ALK: variants seen among roughly 807,000 people sequenced by gnomAD.
The protein encoded by ALK is ALK receptor tyrosine kinase.
A neutral mutation model predicts 163.1 loss-of-function variants in ALK; 74 were observed. That is an observed-to-expected ratio of 0.45 (90% confidence interval 0.38 to 0.55). The LOEUF (loss-of-function observed/expected upper bound fraction) is 0.55. Among genes scored for constraint, ALK ranks in the 20% least tolerant of loss-of-function variants. The pLI, the probability that ALK is intolerant of heterozygous loss-of-function variation, is 0.00. For synonymous variants in ALK, 960 were observed against 843.2 expected (o/e 1.14, Z -2.40); for missense variants, 2,063 against 2,105.3 (o/e 0.98, Z 0.39).
intron 1 of ALK, among the ~76,000 whole-genome samples, chr2:29,848,583 G>A (rs556729170): frequency 3.3e-5 from 5 of 152,306 alleles, no homozygotes; most frequent in South Asian, 4.1e-4. Flanking sequence ...ATGAATTTGT[G>A]TATTGTTGAG....
At chr2:29,725,154 C>CCAAAAAAAAA (rs1553352985) in intron 1 of ALK, among the ~76,000 whole-genome samples, 22 of 67,368 alleles carry the variant, frequency 3.3e-4, no homozygotes, top group African/African-American at 1.4e-3. Flanking sequence ...TATCCTATAC[C>CCAAAAAAAAA]AAAAAAAAAA....
chr2:29,461,456 A>G (rs1377834239), intron 4 of ALK, among the ~76,000 whole-genome samples: 2 of 152,202 alleles, frequency 1.3e-5, no homozygotes, highest in Non-Finnish European at 2.9e-5. Context: ...TTAAGGGCAA[A>G]TGCAGCTGGT....
chr2:29,702,766 G>A (rs1219457931), intron 2 of ALK, among the ~76,000 whole-genome samples: 2 of 152,232 alleles, frequency 1.3e-5, no homozygotes, highest in East Asian at 3.8e-4. Context: ...TGTGTGTGCA[G>A]GGGAACTGTC....
At chr2:29,300,127 G>A (rs79937091) in intron 8 of ALK, among the ~76,000 whole-genome samples, 1,904 of 152,268 alleles carry the variant, frequency 0.013, 38 homozygotes, top group African/African-American at 0.044. Context: ...CATGTATAGG[G>A]GAGCCCATGC....
chr2:29,431,765 T>A (rs551283416), intron 4 of ALK, among the ~76,000 whole-genome samples: 3 of 152,258 alleles, frequency 2.0e-5, no homozygotes, highest in East Asian at 3.9e-4. Context: ...TGATGGAAGC[T>A]GAATCAATCT....
chr2:29,725,865 G>A (rs991732439), intron 1 of ALK, among the ~76,000 whole-genome samples: 7 of 152,138 alleles, frequency 4.6e-5, no homozygotes, highest in African/African-American at 1.4e-4. Context: ...CTCCTCTTCA[G>A]AACCTGTATC....
rs547562188 is a variant in ALK at position 29,329,643 on chromosome 2, C to A, written c.1283-1162G>T. ...CTCTGAGCCTCACATGGGGGTGGGGCCTTTCCAACTCTGGCTGCAAATCAA... is the reference window on the plus strand; with the variant it reads ...CTCTGAGCCTCACATGGGGGTGGGGACTTTCCAACTCTGGCTGCAAATCAA... On this transcript the variant is annotated intron_variant, in intron 5 of 28. Coordinates refer to ENST00000389048, the MANE Select transcript of ALK (RefSeq NM_004304.5). Among the ~76,000 whole-genome samples the A allele has an allele frequency of 1.1e-4, 16 of 152,300 alleles. No individual in the cohort carries two copies. In the East Asian group the frequency reaches 2.3e-3, roughly 22 times the overall value.
intron 4 of ALK, among the ~76,000 whole-genome samples, chr2:29,522,315 T>G (rs1191436365): frequency 6.6e-6 from 1 of 152,162 alleles, no homozygotes; most frequent in African/African-American, 2.4e-5. Context: ...ACACATAATA[T>G]TAGATGAGCT....
At chr2:29,609,563 C>A (rs1480004868) in intron 3 of ALK, among the ~76,000 whole-genome samples, 1 of 152,148 alleles carries the variant, frequency 6.6e-6, no homozygotes, top group Non-Finnish European at 1.5e-5. Flanking sequence ...CACCATGTTG[C>A]ACCAATGCAG....
At chr2:29,423,523 T>C (rs1256044856) in intron 4 of ALK, among the ~76,000 whole-genome samples, 3 of 152,222 alleles carry the variant, frequency 2.0e-5, no homozygotes, top group Non-Finnish European at 4.4e-5. Context: ...AGGATGTGTC[T>C]TTAGAAGTAC....
At chr2:29,406,633 G>A (rs912685122) in intron 4 of ALK, among the ~76,000 whole-genome samples, 2 of 152,134 alleles carry the variant, frequency 1.3e-5, no homozygotes, top group Non-Finnish European at 2.9e-5. Context: ...CAGGTGCGGT[G>A]GATCACGCCT....
chr2:29,651,748 T>C (rs1430156692), intron 3 of ALK, among the ~76,000 whole-genome samples: 2 of 152,198 alleles, frequency 1.3e-5, no homozygotes, highest in Non-Finnish European at 2.9e-5. Context: ...ACTTCTTTTG[T>C]ACTGGCTTGC....
intron 9 of ALK, among the ~76,000 whole-genome samples, chr2:29,292,170 A>T (rs766618312): frequency 6.6e-6 from 1 of 152,264 alleles, no homozygotes; most frequent in Non-Finnish European, 1.5e-5. Flanking sequence ...AGCCTTTATA[A>T]TGATAGTGCT....
rs554145330 is a variant in ALK at position 29,590,728 on chromosome 2, T to C, written c.953-58612A>G. 2.6e-5 allele frequency among the ~76,000 whole-genome samples: 4 copies of C among 152,266 alleles called. No homozygotes were observed. In the South Asian group the frequency reaches 8.3e-4, roughly 32 times the overall value. ...TGCTTCTTGGCTATGTATTCCCACC[T>C]GCTCATGCTATATTTGGAGTTGAGC... On this transcript the variant is annotated intron_variant, in intron 3 of 28. Transcript: ENST00000389048.
chr2:29,543,546 C>T (rs569340796), intron 3 of ALK, among the ~76,000 whole-genome samples: 7 of 152,284 alleles, frequency 4.6e-5, no homozygotes, highest in African/African-American at 1.7e-4. Flanking sequence ...TTTCCTAGCC[C>T]TATGGTTAAG....
chr2:29,307,568 C>T (rs1159684307), intron 8 of ALK, among the ~76,000 whole-genome samples: 1 of 152,164 alleles, frequency 6.6e-6, no homozygotes, highest in East Asian at 1.9e-4. Flanking sequence ...GGTTGTAATT[C>T]TCAGTGTGAA....
At chr2:29,739,419 G>C (rs149247401) in intron 1 of ALK, among the ~76,000 whole-genome samples, 9 of 151,614 alleles carry the variant, frequency 5.9e-5, no homozygotes, top group Admixed American at 3.9e-4. Context: ...TTAGCTGAGC[G>C]TGGTGGTATG....
intron 1 of ALK, among the ~76,000 whole-genome samples, chr2:29,759,260 C>G (rs773958184): frequency 6.6e-6 from 1 of 152,112 alleles, no homozygotes. Flanking sequence ...TCTGCCTTTC[C>G]GTTTAGTCAA....
At chr2:29,213,498 G>A (rs1320413265) in intron 24 of ALK, among the ~76,000 whole-genome samples, 1 of 152,128 alleles carries the variant, frequency 6.6e-6, no homozygotes, top group Non-Finnish European at 1.5e-5. Context: ...TCCCCATAAG[G>A]AGCCCAGTTT....
Sources: gnomAD v4.1 joint callset for allele counts (sites outside exome capture counted in the v4.1 genomes callset) on GRCh38, gnomAD v4.1.1 for gene constraint, MANE v1.5 for transcripts, NCBI Gene and HGNC (gene_info 2026-07-23, HGNC 2026-07-21) for gene names.